The following TAFA5 variants were observed in gnomAD, a reference collection of about 807,000 sequenced individuals.
TAFA5 encodes the protein TAFA chemokine like family member 5.
A neutral mutation model predicts 15.3 loss-of-function variants in TAFA5; 6 were observed. The observed-to-expected ratio is 0.39, with a 90% CI of 0.21 to 0.77. The LOEUF (loss-of-function observed/expected upper bound fraction) is 0.77. TAFA5 is among the 30% of genes least tolerant of loss of function. TAFA5 has a pLI of 0.41. For missense variants in TAFA5, 161 were observed against 193.1 expected (o/e 0.83, Z 0.98); for synonymous variants, 103 against 80.7 (o/e 1.28, Z -1.48).
Position 48,533,316 on chromosome 22 carries a change from G to A in TAFA5, c.112+43612G>A, listed in dbSNP as rs535909139. Reference sequence around the variant, plus strand: ...CCGTCAAACCTTTGGCTCTCACCTGGGACCCCAGAATTGTGGTGTCCAAGC... The same window carrying A: ...CCGTCAAACCTTTGGCTCTCACCTGAGACCCCAGAATTGTGGTGTCCAAGC... On this transcript the variant is annotated intron_variant, in intron 1 of 3. Coordinates refer to ENST00000402357, the MANE Select transcript of TAFA5 (RefSeq NM_001082967.3). Among the ~76,000 whole-genome samples, 31 of 152,288 alleles carry A rather than the reference G, an allele frequency of 2.0e-4. 2 individuals carry two copies. In the South Asian group the frequency reaches 5.0e-3, roughly 24 times the overall value.
At chr22:48,589,693 G>A (rs1245132030) in intron 1 of TAFA5, among the ~76,000 whole-genome samples, 1 of 143,436 alleles carries the variant, frequency 7.0e-6, no homozygotes, top group East Asian at 2.2e-4. Context: ...GAGAAGAGAA[G>A]CAAACAGAGA....
At chr22:48,581,532 C>T (rs889439021) in intron 1 of TAFA5, among the ~76,000 whole-genome samples, 3 of 152,168 alleles carry the variant, frequency 2.0e-5, no homozygotes, top group Non-Finnish European at 4.4e-5. Context: ...TCTGGGCGCG[C>T]GGAGCTGTAG....
intron 3 of TAFA5, among the ~76,000 whole-genome samples, chr22:48,709,993 G>T (rs2147252968): frequency 6.6e-6 from 1 of 152,360 alleles, no homozygotes; most frequent in African/African-American, 2.4e-5. Context: ...CGATTTTAAA[G>T]CGAGCAGCTC....
Position 48,638,355 on chromosome 22 carries a change from AC to A in TAFA5, c.113-8232del, listed in dbSNP as rs139377541. On this transcript the variant is annotated intron_variant, in intron 1 of 3. Transcript: ENST00000402357. ...CCCTGGGCCACACACAGGCAATACCACCCCCCCCCCGACACTAAGCCCTGGG... is the reference window on the plus strand; with the variant it reads ...CCCTGGGCCACACACAGGCAATACCACCCCCCCCCGACACTAAGCCCTGGG... Among the ~76,000 whole-genome samples the A allele has an allele frequency of 1.5e-3, 84 of 57,000 alleles. 1 individual carries two copies. The highest frequency in any genetic ancestry group is 4.7e-3 in the East Asian group (8 of 1,714). The allele number at this position is 57,000 out of a possible 152,430, so 37.4% of individuals were successfully genotyped here.
chr22:48,612,620 C>CTGTT (rs1469492482), intron 1 of TAFA5, among the ~76,000 whole-genome samples: 7 of 152,222 alleles, frequency 4.6e-5, no homozygotes, highest in South Asian at 4.2e-4. Context: ...CACGTGTCTC[C>CTGTT]CGTTCCCCGC....
intron 2 of TAFA5, among the ~76,000 whole-genome samples, chr22:48,700,845 G>A (rs1304557011): frequency 6.6e-6 from 1 of 152,156 alleles, no homozygotes; most frequent in East Asian, 1.9e-4. Context: ...GATCCTGTAT[G>A]GCAAACAAGT....
intron 1 of TAFA5, among the ~76,000 whole-genome samples, chr22:48,585,702 A>T (rs1454373982): frequency 6.6e-6 from 1 of 151,444 alleles, no homozygotes; most frequent in Non-Finnish European, 1.5e-5. Context: ...GTATACACAG[A>T]CACAGAATAT....
At chr22:48,506,455 C>G (rs1920999647) in intron 1 of TAFA5, among the ~76,000 whole-genome samples, 1 of 152,188 alleles carries the variant, frequency 6.6e-6, no homozygotes, top group African/African-American at 2.4e-5. Context: ...ACTAGTGTGA[C>G]AAAAACGCGG....
At chr22:48,533,524 T>C (rs561393229) in intron 1 of TAFA5, among the ~76,000 whole-genome samples, 1 of 152,236 alleles carries the variant, frequency 6.6e-6, no homozygotes, top group South Asian at 2.1e-4. Flanking sequence ...GTCAGCAGGA[T>C]GTATTTTGGT....
chr22:48,610,117 G>C (rs1925343684), intron 1 of TAFA5, among the ~76,000 whole-genome samples: 1 of 152,178 alleles, frequency 6.6e-6, no homozygotes, highest in Admixed American at 6.5e-5. Flanking sequence ...GCTTTGGATG[G>C]AGCCCCAAGA....
chr22:48,539,471 AT>A (rs1385164318), intron 1 of TAFA5: 1 of 471,030 alleles, frequency 2.1e-6, no homozygotes, highest in Non-Finnish European at 4.4e-6. Context: ...AAAGACAATT[AT>A]TGTGTTGACT....
chr22:48,541,306 G>T (rs1443475361), intron 1 of TAFA5, among the ~76,000 whole-genome samples: 1 of 152,100 alleles, frequency 6.6e-6, no homozygotes, highest in African/African-American at 2.4e-5. Context: ...AGACTCCAAG[G>T]AGCCTGTCCC....
chr22:48,521,139 T>C (rs1294632700), intron 1 of TAFA5, among the ~76,000 whole-genome samples: 1 of 152,226 alleles, frequency 6.6e-6, no homozygotes, highest in Non-Finnish European at 1.5e-5. Context: ...GTGAATGGGC[T>C]TCCTCTGGCC....
intron 1 of TAFA5, among the ~76,000 whole-genome samples, chr22:48,564,747 T>C (rs184436396): frequency 5.6e-4 from 85 of 152,310 alleles, no homozygotes; most frequent in Middle Eastern, 6.8e-3. Flanking sequence ...GGCACTTGTG[T>C]GCTGGTCCTT....
At chr22:48,740,231 A>G (rs1342144468) in intron 3 of TAFA5, among the ~76,000 whole-genome samples, 3 of 151,744 alleles carry the variant, frequency 2.0e-5, no homozygotes, top group Non-Finnish European at 4.4e-5. Context: ...CCTATACCCC[A>G]CCCTGCTGGG....
Position 48,718,070 on chromosome 22 carries a change from G to A in TAFA5, c.390+10226G>A, listed in dbSNP as rs560383822. ...GGAGCTCGTGGCCTTGCATGGCCAG[G>A]GCAGGGCTGCTGCGGACAGCAGGCC... On this transcript the variant is annotated intron_variant, in intron 3 of 3. Transcript: ENST00000402357. Among the ~76,000 whole-genome samples the A allele has an allele frequency of 2.6e-5, 4 of 152,318 alleles. No homozygotes were observed. The East Asian group carries it at 5.8e-4, about 22-fold the overall frequency.
chr22:48,578,445 G>A (rs1003731621), intron 1 of TAFA5, among the ~76,000 whole-genome samples: 1 of 152,218 alleles, frequency 6.6e-6, no homozygotes, highest in Non-Finnish European at 1.5e-5. Flanking sequence ...CTCCCAGATG[G>A]GAGGGTCTAG....
chr22:48,564,109 A>G (rs1170904227), intron 1 of TAFA5, among the ~76,000 whole-genome samples: 2 of 152,242 alleles, frequency 1.3e-5, no homozygotes, highest in African/African-American at 4.8e-5. Context: ...AGTGCGGTCC[A>G]CAAAGGCGGC....
intron 2 of TAFA5, among the ~76,000 whole-genome samples, chr22:48,681,490 C>CA (rs33981971): frequency 0.59 from 78,855 of 134,380 alleles, 23,373 homozygotes; most frequent in Non-Finnish European, 0.67. Flanking sequence ...TAAAAAAATA[C>CA]AAAAAAAAAA....
Sources: allele counts gnomAD v4.1 joint callset (sites outside exome capture counted in the v4.1 genomes callset), GRCh38; gene constraint gnomAD v4.1.1; transcripts MANE v1.5; gene names NCBI Gene and HGNC (gene_info 2026-07-23, HGNC 2026-07-21).